The following DNM3 variants were observed in gnomAD, a reference collection of about 807,000 sequenced individuals.
DNM3 encodes dynamin 3, also known as dynamin-3.
DNM3 carries 47 observed loss-of-function variants against 101.6 expected under a neutral mutation model. The ratio of observed to expected loss-of-function variants is 0.46; its 90% CI spans 0.37 to 0.59. The LOEUF is 0.59. DNM3 is among the 20% of genes least tolerant of loss of function. The pLI is 0.00. For synonymous variants in DNM3, 385 were observed against 387.9 expected (o/e 0.99, Z 0.09); for missense variants, 849 against 1,085.7 (o/e 0.78, Z 3.06).
intron 2 of DNM3, among the ~76,000 whole-genome samples, chr1:171,960,329 A>C (rs926491135): frequency 2.0e-5 from 3 of 152,176 alleles, no homozygotes; most frequent in Non-Finnish European, 4.4e-5. Context: ...GTGAAATAAT[A>C]AAATTTATGT....
intron 17 of DNM3, among the ~76,000 whole-genome samples, chr1:172,327,194 T>C (rs2065971141): frequency 6.6e-6 from 1 of 152,120 alleles, no homozygotes; most frequent in South Asian, 2.1e-4. Flanking sequence ...AGAAACACTT[T>C]GTCTAGTGAT....
At chr1:171,857,147 C>T (rs181281717) in intron 1 of DNM3, among the ~76,000 whole-genome samples, 1 of 152,240 alleles carries the variant, frequency 6.6e-6, no homozygotes, top group Non-Finnish European at 1.5e-5. Context: ...CAATGAGGAG[C>T]TGTTAATGAT....
chr1:172,005,769 TC>T (rs2046647019), intron 4 of DNM3, among the ~76,000 whole-genome samples: 1 of 152,044 alleles, frequency 6.6e-6, no homozygotes, highest in South Asian at 2.1e-4. Flanking sequence ...ATTTAGTAGG[TC>T]CCAACAAAAC....
At chr1:172,347,358 G>A (rs528086278) in intron 17 of DNM3, among the ~76,000 whole-genome samples, 1 of 152,094 alleles carries the variant, frequency 6.6e-6, no homozygotes, top group East Asian at 1.9e-4. Flanking sequence ...GAAACAACAG[G>A]CTGTGAAATC....
intron 4 of DNM3, among the ~76,000 whole-genome samples, chr1:172,002,897 A>G (rs1254937742): frequency 6.6e-6 from 1 of 152,066 alleles, no homozygotes; most frequent in Non-Finnish European, 1.5e-5. Context: ...AAAAGGCCTC[A>G]ACGTGGATTT....
chr1:172,187,426 T>C (rs2059564445), intron 14 of DNM3, among the ~76,000 whole-genome samples: 1 of 152,172 alleles, frequency 6.6e-6, no homozygotes, highest in Non-Finnish European at 1.5e-5. Flanking sequence ...AGTTACACAG[T>C]GAAGATCTTC....
chr1:172,291,929 A>G (rs2063932807), intron 15 of DNM3, among the ~76,000 whole-genome samples: 1 of 152,224 alleles, frequency 6.6e-6, no homozygotes, highest in South Asian at 2.1e-4. Flanking sequence ...ATTTTTTGCC[A>G]GAATCAGGAT....
intron 15 of DNM3, among the ~76,000 whole-genome samples, chr1:172,271,361 A>G (rs1331066262): frequency 6.6e-6 from 1 of 152,190 alleles, no homozygotes; most frequent in African/African-American, 2.4e-5. Context: ...TTTAAAACTA[A>G]CCCTAATAAA....
chr1:171,878,115 T>G (rs975938278), intron 1 of DNM3, among the ~76,000 whole-genome samples: 1 of 122,062 alleles, frequency 8.2e-6, no homozygotes, highest in African/African-American at 3.0e-5. Flanking sequence ...ATATAACACA[T>G]GAAATAATTT....
At chr1:172,079,640 C>T (rs2052971767) in intron 11 of DNM3, among the ~76,000 whole-genome samples, 1 of 152,110 alleles carries the variant, frequency 6.6e-6, no homozygotes, top group Non-Finnish European at 1.5e-5. Context: ...CATACTCATT[C>T]TTTGTCCAAT....
chr1:171,941,743 A>G (rs12060039), intron 2 of DNM3, among the ~76,000 whole-genome samples: 23,091 of 152,176 alleles, frequency 0.15, 2,258 homozygotes, highest in East Asian at 0.33. Flanking sequence ...ATTAATTAGG[A>G]AAGAAAGTGA....
intron 14 of DNM3, among the ~76,000 whole-genome samples, chr1:172,248,242 T>C (rs1174198650): frequency 2.0e-5 from 3 of 152,200 alleles, no homozygotes; most frequent in Non-Finnish European, 2.9e-5. Flanking sequence ...AAAATCAATC[T>C]TTGAAGCATT....
intron 17 of DNM3, among the ~76,000 whole-genome samples, chr1:172,346,122 C>CAAAAAAAAAAA (rs554868535): frequency 4.3e-5 from 4 of 92,152 alleles, no homozygotes; most frequent in African/African-American, 7.6e-5. Flanking sequence ...GACTCCGTCT[C>CAAAAAAAAAAA]AAAAAAAAAA....
At chr1:172,324,329 A>AT in intron 17 of DNM3, among the ~76,000 whole-genome samples, 1 of 152,348 alleles carries the variant, frequency 6.6e-6, no homozygotes, top group South Asian at 2.1e-4. Context: ...ATTTCTGTTC[A>AT]TAAGCCATAC....
intron 15 of DNM3, among the ~76,000 whole-genome samples, chr1:172,279,781 T>C (rs1335495892): frequency 1.3e-5 from 2 of 152,172 alleles, no homozygotes; most frequent in African/African-American, 4.8e-5. Flanking sequence ...TCTTCTTTCT[T>C]ACCCCTTGGC....
chr1:172,395,749 G>C (rs1221469441), intron 20 of DNM3, among the ~76,000 whole-genome samples: 1 of 152,158 alleles, frequency 6.6e-6, no homozygotes, highest in East Asian at 1.9e-4. Context: ...GTTGTCGGGG[G>C]GAACCCCTGA....
intron 11 of DNM3, among the ~76,000 whole-genome samples, chr1:172,071,702 T>A (rs2052210472): frequency 6.6e-6 from 1 of 152,302 alleles, no homozygotes; most frequent in South Asian, 2.1e-4. Flanking sequence ...AAACAAAGGT[T>A]TTTTGAATGT....
At chr1:171,899,835 A>G (rs2038144498) in intron 1 of DNM3, among the ~76,000 whole-genome samples, 1 of 152,258 alleles carries the variant, frequency 6.6e-6, no homozygotes, top group Non-Finnish European at 1.5e-5. Flanking sequence ...GTTTCTACAA[A>G]TAACATGGAA....
At chr1:171,950,451 A>T (rs1014370559) in intron 2 of DNM3, among the ~76,000 whole-genome samples, 2 of 152,136 alleles carry the variant, frequency 1.3e-5, no homozygotes, top group Non-Finnish European at 2.9e-5. Context: ...ATTTTGCCCA[A>T]TTGTGCACTA....
Sources: gnomAD v4.1 joint callset for allele counts (sites outside exome capture counted in the v4.1 genomes callset) on GRCh38, gnomAD v4.1.1 for gene constraint, MANE v1.5 for transcripts, NCBI Gene and HGNC (gene_info 2026-07-23, HGNC 2026-07-21) for gene names.